TTC17: variants seen among roughly 807,000 people sequenced by gnomAD.
The protein encoded by TTC17 is tetratricopeptide repeat protein 17.
In TTC17, 58 loss-of-function variants were observed where a neutral mutation model predicts 143.8. That is an observed-to-expected ratio of 0.40 (90% CI 0.33 to 0.50). TTC17 has a LOEUF of 0.50. Among genes scored for constraint, TTC17 ranks in the 20% least tolerant of loss-of-function variants. TTC17 has a pLI of 0.49. For missense variants in TTC17, 1,273 were observed against 1,392.5 expected (o/e 0.91, Z 1.37); for synonymous variants, 501 against 497.8 (o/e 1.01, Z -0.09).
At chr11:43,406,087 T>C (rs1180658717) in intron 13 of TTC17, 136 bp downstream of exon 13, 3 of 1,123,670 alleles carry the variant, frequency 2.7e-6, no homozygotes, top group African/African-American at 3.2e-5. Context: ...AGTTAAAGAA[T>C]TGGTGAAATG....
chr11:43,470,313 C>T (rs1166961118), intron 21 of TTC17, among the ~76,000 whole-genome samples: 4 of 152,112 alleles, frequency 2.6e-5, no homozygotes, highest in Non-Finnish European at 5.9e-5. Flanking sequence ...GCATTTTCTG[C>T]CAAGTGTCAG....
At chr11:43,426,115 G>C (rs1189982953) in intron 16 of TTC17, among the ~76,000 whole-genome samples, 3 of 152,220 alleles carry the variant, frequency 2.0e-5, no homozygotes, top group African/African-American at 4.8e-5. Flanking sequence ...GATTCCTGCT[G>C]CACCTCTGTA....
intron 21 of TTC17, among the ~76,000 whole-genome samples, chr11:43,469,765 A>G (rs1948057724): frequency 6.6e-6 from 1 of 152,174 alleles, no homozygotes; most frequent in African/African-American, 2.4e-5. Context: ...TTGTTACTTA[A>G]TTGTCGAAAG....
chr11:43,443,631 C>T, intron 17 of TTC17, 47 bp downstream of exon 17: 4 of 1,564,466 alleles, frequency 2.6e-6, no homozygotes, highest in Non-Finnish European at 3.5e-6. Context: ...CCATGCCTTT[C>T]AGGGGATCCT....
chr11:43,434,486 G>A (rs1194527105), intron 16 of TTC17, among the ~76,000 whole-genome samples: 1 of 152,090 alleles, frequency 6.6e-6, no homozygotes, highest in Non-Finnish European at 1.5e-5. Flanking sequence ...TTTGACTTTA[G>A]GCAAGTTACT....
At chr11:43,464,107 C>G (rs553557286) in intron 21 of TTC17, among the ~76,000 whole-genome samples, 1 of 152,112 alleles carries the variant, frequency 6.6e-6, no homozygotes, top group African/African-American at 2.4e-5. Context: ...GAAACTCCAT[C>G]TGTACTAAAA....
At chr11:43,493,453 C>A (rs370776487) in intron 23 of TTC17, among the ~76,000 whole-genome samples, 2 of 152,258 alleles carry the variant, frequency 1.3e-5, no homozygotes, top group Middle Eastern at 3.4e-3. Context: ...TTCAGGCACT[C>A]AGGAATGTTA....
intron 8 of TTC17, among the ~76,000 whole-genome samples, chr11:43,399,558 C>T (rs575107874): frequency 6.6e-6 from 1 of 152,154 alleles, no homozygotes; most frequent in East Asian, 1.9e-4. Flanking sequence ...GTCCCAGATA[C>T]TCCCCAGGAG....
intron 1 of TTC17, among the ~76,000 whole-genome samples, chr11:43,361,380 T>G (rs1398578631): frequency 1.3e-5 from 2 of 152,240 alleles, no homozygotes; most frequent in African/African-American, 4.8e-5. Context: ...TATGTGCTGA[T>G]AAACTCATTG....
intron 2 of TTC17, among the ~76,000 whole-genome samples, chr11:43,381,400 G>C (rs1011285308): frequency 1.3e-5 from 2 of 152,126 alleles, no homozygotes; most frequent in Non-Finnish European, 2.9e-5. Flanking sequence ...GACTATAGTA[G>C]TGTCTGATAT....
At chr11:43,362,736 G>T (rs1317544603) in intron 1 of TTC17, among the ~76,000 whole-genome samples, 2 of 152,164 alleles carry the variant, frequency 1.3e-5, no homozygotes, top group Non-Finnish European at 2.9e-5. Context: ...TGGGACTACA[G>T]GCTTGTGCCA....
intron 15 of TTC17, among the ~76,000 whole-genome samples, chr11:43,412,888 A>G (rs775386617): frequency 2.6e-4 from 40 of 152,130 alleles, no homozygotes; most frequent in African/African-American, 8.9e-4. Context: ...TATAGATTCA[A>G]TTCAATCTCA....
intron 21 of TTC17, among the ~76,000 whole-genome samples, chr11:43,470,577 A>T (rs1397166491): frequency 2.0e-5 from 3 of 152,152 alleles, no homozygotes; most frequent in African/African-American, 7.2e-5. Flanking sequence ...TTTTTACCAT[A>T]TGTTACCTGT....
chr11:43,404,066 T>C lies in TTC17; in HGVS notation c.1401T>C (p.Asp467=). Reference sequence around the variant, plus strand: ...TTGATGTTCAATCAAATCAGAGTGATATCAATGATTCGGTCAAGTCTTCTC... The same window carrying C: ...TTGATGTTCAATCAAATCAGAGTGACATCAATGATTCGGTCAAGTCTTCTC... ...VNFDVQSNQS[D]INDSVKSSPV... Residue 467 remains aspartate (D), a synonymous_variant, in exon 11 of 24, where the codon GAT becomes GAC. Coordinates refer to ENST00000039989, the MANE Select transcript of TTC17 (RefSeq NM_018259.6). 1 of 1,613,428 alleles carries C rather than the reference T, an allele frequency of 6.2e-7. No individual in the cohort carries two copies. The highest frequency in any genetic ancestry group is 8.5e-7 in the Non-Finnish European group (1 of 1,179,584).
At chr11:43,369,524 C>T (rs1359658328) in intron 1 of TTC17, among the ~76,000 whole-genome samples, 1 of 151,952 alleles carries the variant, frequency 6.6e-6, no homozygotes, top group East Asian at 1.9e-4. Flanking sequence ...CAAGGTTTAG[C>T]ATGATAGTCA....
At chr11:43,447,741 T>A (rs1381522429) in intron 18 of TTC17, 1 of 349,792 alleles carries the variant, frequency 2.9e-6, no homozygotes, top group East Asian at 4.8e-5. Flanking sequence ...AACCCCTTAT[T>A]TCATGTTGAT....
intron 11 of TTC17, among the ~76,000 whole-genome samples, chr11:43,404,719 CAG>C (rs1251741640): frequency 6.6e-6 from 1 of 152,130 alleles, no homozygotes; most frequent in Non-Finnish European, 1.5e-5. Context: ...AAGGGTTTAA[CAG>C]AATTAAACAG....
chr11:43,460,705 A>G (rs904060508), intron 21 of TTC17, among the ~76,000 whole-genome samples: 1 of 152,220 alleles, frequency 6.6e-6, no homozygotes, highest in Non-Finnish European at 1.5e-5. Flanking sequence ...CATTTATGCA[A>G]CTGCAGACAT....
intron 15 of TTC17, among the ~76,000 whole-genome samples, chr11:43,411,210 G>A (rs191269492): frequency 1.3e-5 from 2 of 152,268 alleles, no homozygotes; most frequent in Admixed American, 1.3e-4. Context: ...TCATTCCTTA[G>A]CACATTCTAT....
Sources: allele counts gnomAD v4.1 joint callset (sites outside exome capture counted in the v4.1 genomes callset), GRCh38; gene constraint gnomAD v4.1.1; transcripts MANE v1.5; gene names NCBI Gene and HGNC (gene_info 2026-07-23, HGNC 2026-07-21).